The following ENPEP variants were observed in gnomAD, a reference collection of about 807,000 sequenced individuals.
ENPEP encodes the protein AP-A.
In ENPEP, 103 loss-of-function variants were observed where a neutral mutation model predicts 114.5. The ratio of observed to expected loss-of-function variants is 0.90; its 90% CI spans 0.77 to 1.06. The LOEUF (loss-of-function observed/expected upper bound fraction) is 1.06, where lower values mean the gene tolerates loss of function less well. ENPEP is among the 50% of genes least tolerant of loss of function. The pLI, the probability that ENPEP is intolerant of heterozygous loss-of-function variation, is 0.00. For synonymous variants in ENPEP, 420 were observed against 422.0 expected, an observed-to-expected ratio of 1.00 and a Z score of 0.06; for missense variants, 1,196 against 1,161.3, an observed-to-expected ratio of 1.03 and a Z score of -0.43.
At chr4:110,526,893 T>A (rs1279488687) in intron 10 of ENPEP, among the ~76,000 whole-genome samples, 1 of 152,164 alleles carries the variant, frequency 6.6e-6, no homozygotes, top group Non-Finnish European at 1.5e-5. Flanking sequence ...AAATTCCTAA[T>A]TAAAGAACAA....
chr4:110,531,502 A>G (rs1221994392), intron 11 of ENPEP, among the ~76,000 whole-genome samples: 1 of 152,142 alleles, frequency 6.6e-6, no homozygotes, highest in Non-Finnish European at 1.5e-5. Flanking sequence ...TATCATAAAT[A>G]CCCATATCCA....
intron 8 of ENPEP, among the ~76,000 whole-genome samples, chr4:110,518,407 C>T (rs1725860073): frequency 6.6e-6 from 1 of 152,090 alleles, no homozygotes; most frequent in Admixed American, 6.5e-5. Context: ...CTTTTGTGCT[C>T]ACTGATTCCA....
chr4:110,517,014 G>A (rs1283020654), intron 8 of ENPEP, among the ~76,000 whole-genome samples: 1 of 152,042 alleles, frequency 6.6e-6, no homozygotes, highest in Non-Finnish European at 1.5e-5. Flanking sequence ...CGTGATCTTG[G>A]CTCATTGCAA....
chr4:110,555,176 T>G (rs1727428239), intron 18 of ENPEP, among the ~76,000 whole-genome samples: 1 of 152,056 alleles, frequency 6.6e-6, no homozygotes, highest in South Asian at 2.1e-4. Flanking sequence ...CATAATCTAA[T>G]GATCTAATTC....
At chr4:110,540,417 GA>G (rs895812754) in intron 11 of ENPEP, among the ~76,000 whole-genome samples, 2 of 151,508 alleles carry the variant, frequency 1.3e-5, no homozygotes, top group East Asian at 1.9e-4. Flanking sequence ...GTTATAATCA[GA>G]AAAAAAATAG....
rs752032636 is a variant in ENPEP, at chr4:110,549,640, C to T, written c.2330+8C>T. On this transcript the variant is annotated splice_region_variant and intron_variant, in intron 16 of 19. Coordinates refer to ENST00000265162, the MANE Select transcript of ENPEP (RefSeq NM_001977.4). Reference sequence around the variant, plus strand: ...GCTAAATGGGACTGTAAGGTGATTACTCACATTGTTATGCTTAGAAGACAC... The same window carrying T: ...GCTAAATGGGACTGTAAGGTGATTATTCACATTGTTATGCTTAGAAGACAC... 6.2e-7 allele frequency: 1 copy of T among 1,613,334 alleles called. No individual in the cohort carries two copies. The highest frequency in any genetic ancestry group is 8.5e-7 in the Non-Finnish European group (1 of 1,179,544).
In ENPEP at chr4:110,507,751, G is replaced by A. The variant is rs184979170; in HGVS notation, c.1039+994G>A. ...AACATTTTGGGAGGCCCAGGCGGGCGGATCGCTTGAGCCCAGAGGTTCAAG... is the reference window on the plus strand; with the variant it reads ...AACATTTTGGGAGGCCCAGGCGGGCAGATCGCTTGAGCCCAGAGGTTCAAG... On this transcript the variant is annotated intron_variant, in intron 4 of 19. Coordinates refer to ENST00000265162, the MANE Select transcript of ENPEP (RefSeq NM_001977.4). Among the ~76,000 whole-genome samples the A allele has an allele frequency of 2.3e-3, 348 of 152,340 alleles. 2 individuals are homozygous for A. Among genetic ancestry groups the A allele is most frequent in the Non-Finnish European group, 4.0e-3 (275 of 68,034 alleles).
intron 17 of ENPEP, among the ~76,000 whole-genome samples, chr4:110,551,137 A>T (rs911997317): frequency 2.0e-5 from 3 of 151,920 alleles, no homozygotes; most frequent in Non-Finnish European, 4.4e-5. Flanking sequence ...CACATTTCAC[A>T]AAACATCACT....
chr4:110,536,151 A>G (rs1459707438), intron 11 of ENPEP, among the ~76,000 whole-genome samples: 1 of 150,148 alleles, frequency 6.7e-6, no homozygotes, highest in Non-Finnish European at 1.5e-5. Flanking sequence ...GGAAGAGTTA[A>G]GGTAGATTAA....
intron 6 of ENPEP, chr4:110,512,513 C>T (rs1454510138): frequency 6.6e-6 from 1 of 152,126 alleles, no homozygotes; most frequent in African/African-American, 2.4e-5. Flanking sequence ...ATAAATGAAA[C>T]CCGCATAATT....
At chr4:110,552,633 A>G (rs1727333474) in intron 17 of ENPEP, among the ~76,000 whole-genome samples, 1 of 152,158 alleles carries the variant, frequency 6.6e-6, no homozygotes, top group Admixed American at 6.6e-5. Context: ...GTCACAGTGA[A>G]CAAAATGTGT....
chr4:110,514,315 A>G (rs1725683511), intron 7 of ENPEP, among the ~76,000 whole-genome samples: 2 of 152,082 alleles, frequency 1.3e-5, no homozygotes, highest in African/African-American at 4.8e-5. Flanking sequence ...AAATATTATA[A>G]TTATTAAAAT....
chr4:110,518,977 C>A, intron 8 of ENPEP: 1 of 417,948 alleles, frequency 2.4e-6, no homozygotes. Context: ...TTTGATTTAC[C>A]AAATATTCAA....
chr4:110,518,385 A>G (rs138574044), intron 8 of ENPEP, among the ~76,000 whole-genome samples: 51 of 152,270 alleles, frequency 3.3e-4, no homozygotes, highest in African/African-American at 8.2e-4. Context: ...TAACAGAAAC[A>G]TTGTTCGTTT....
Position 110,563,143 on chromosome 4 carries a change from C to G in ENPEP, c.*1585C>G, listed in dbSNP as rs1727729711. The stretch of plus-strand genomic sequence containing the variant: ...AACATCATAACTTACCAGAAAAACC[C>G]CACTATCCTCATAAGATTAACTTAA... On this transcript the variant is annotated 3_prime_UTR_variant, in exon 20 of 20. Coordinates refer to ENST00000265162, the MANE Select transcript of ENPEP (RefSeq NM_001977.4). 6.6e-6 allele frequency: 1 copy of G among 151,956 alleles called. No individual in the cohort carries two copies. Among genetic ancestry groups the G allele is most frequent in the African/African-American group, 2.4e-5 (1 of 41,368 alleles). 9.4% of individuals were successfully genotyped at this position (151,956 alleles called of 1,614,324 possible).
chr4:110,519,002 T>A (rs1250311118), intron 8 of ENPEP: 1 of 444,360 alleles, frequency 2.3e-6, no homozygotes, highest in Non-Finnish European at 4.5e-6. Flanking sequence ...TTTATTAAGA[T>A]ATGATGAATG....
intron 18 of ENPEP, among the ~76,000 whole-genome samples, chr4:110,554,836 G>A (rs1727416645): frequency 6.6e-6 from 1 of 151,940 alleles, no homozygotes; most frequent in Non-Finnish European, 1.5e-5. Context: ...GAGTTACTAT[G>A]AAAAGACAAG....
chr4:110,530,169 G>A (rs1726357002), intron 10 of ENPEP, among the ~76,000 whole-genome samples: 1 of 152,092 alleles, frequency 6.6e-6, no homozygotes, highest in African/African-American at 2.4e-5. Context: ...TTTATGTGTT[G>A]GTTTTATGAA....
intron 10 of ENPEP, among the ~76,000 whole-genome samples, chr4:110,528,665 G>A (rs990981239): frequency 6.6e-6 from 1 of 152,118 alleles, no homozygotes; most frequent in African/African-American, 2.4e-5. Context: ...TCTCCATCCC[G>A]GGATGTCTCT....
Sources: allele counts gnomAD v4.1 joint callset (sites outside exome capture counted in the v4.1 genomes callset), GRCh38; gene constraint gnomAD v4.1.1; transcripts MANE v1.5; gene names NCBI Gene and HGNC (gene_info 2026-07-23, HGNC 2026-07-21).